Variants in E2F2 observed in about 807,000 individuals in gnomAD.
E2F2 encodes the protein transcription factor E2F2.
E2F2 carries 22 observed loss-of-function variants against 42.2 expected under a neutral mutation model. The observed-to-expected ratio is 0.52, with a 90% CI of 0.37 to 0.74. The LOEUF is 0.74. Ranked by LOEUF, E2F2 falls within the 30% of genes least tolerant of loss-of-function variation. The pLI, the probability that E2F2 is intolerant of heterozygous loss-of-function variation, is 0.00. For synonymous variants in E2F2, 248 were observed against 251.6 expected, an observed-to-expected ratio of 0.99 and a Z score of 0.13; for missense variants, 481 against 557.8, an observed-to-expected ratio of 0.86 and a Z score of 1.39.
intron 2 of E2F2, among the ~76,000 whole-genome samples, chr1:23,522,299 T>TC (rs1247834896): frequency 6.6e-6 from 1 of 152,220 alleles, no homozygotes; most frequent in African/African-American, 2.4e-5. Flanking sequence ...GTGTCCTGAC[T>TC]CCTGGTTAAA....
rs776096433 is a variant in E2F2, at chr1:23,509,958, G to C, written c.1236C>G (p.Tyr412Ter). The change falls in exon 7 of 7, where the codon TAC becomes TAG. Residue 412 changes from tyrosine (Y) to a stop codon, truncating the protein, a stop_gained. Coordinates refer to ENST00000361729, the MANE Select transcript of E2F2 (RefSeq NM_004091.4). LOFTEE classifies it high-confidence loss of function. ...CCTCACCCGCCTCCAAGCCCCACAGGTAGTCGTCCTGGTCCAAGGATGGGG... is the reference window on the plus strand; with the variant it reads ...CCTCACCCGCCTCCAAGCCCCACAGCTAGTCGTCCTGGTCCAAGGATGGGG... The part of the protein sequence containing the change: ...SFSPSLDQDD[Y>*]LWGLEAGEGI... 5.0e-6 allele frequency: 8 copies of C among 1,611,760 alleles called. No individual in the cohort carries two copies. The highest frequency in any genetic ancestry group is 5.9e-6 in the Non-Finnish European group (7 of 1,178,978).
chr1:23,505,583 G>A (rs1287672531), downstream of E2F2, among the ~76,000 whole-genome samples: 2 of 152,160 alleles, frequency 1.3e-5, no homozygotes, highest in Non-Finnish European at 1.5e-5. Flanking sequence ...CGCCATCTCG[G>A]CTCACTGCAA....
rs1218562772 is a variant in E2F2 at position 23,519,149 on chromosome 1, G to GAA, written c.738-21_738-20dup. 6.3e-7 allele frequency: 1 copy of GAA among 1,597,266 alleles called. No individual in the cohort carries two copies. Among genetic ancestry groups the GAA allele is most frequent in the African/African-American group, 1.3e-5 (1 of 74,590 alleles). On this transcript the variant is annotated intron_variant, in intron 4 of 6. Transcript: ENST00000361729. The stretch of plus-strand genomic sequence containing the variant: ...GGCCAGCGTAGGGCAGGAGAGTCAA[G>GAA]AAAAGTGACTGTCTGGTCAAAATTC...
intron 6 of E2F2, among the ~76,000 whole-genome samples, chr1:23,514,078 T>C (rs2811972): frequency 0.56 from 84,864 of 151,198 alleles, 24,265 homozygotes; most frequent in East Asian, 0.83. Context: ...GAGCCAAGAT[T>C]GTGCCACTGC....
intron 2 of E2F2, among the ~76,000 whole-genome samples, chr1:23,522,758 G>A (rs1643177468): frequency 6.6e-6 from 1 of 152,186 alleles, no homozygotes; most frequent in African/African-American, 2.4e-5. Context: ...TCTCAATGAG[G>A]TTGATGTTGC....
Position 23,510,054 on chromosome 1 carries a change from T to C in E2F2, c.1140A>G (p.Pro380=), listed in dbSNP as rs1642878754. The C allele has an allele frequency of 6.2e-7, 1 of 1,611,480 alleles. No individual in the cohort carries two copies. Among genetic ancestry groups the C allele is most frequent in the African/African-American group, 1.3e-5 (1 of 74,788 alleles). The stretch of plus-strand genomic sequence containing the variant: ...ACTGGTCCTCAGTCTGCTGCAGGAG[T>C]GGGTGCGGCAGCTCCAGCAGGCTGT... ...ATDSLLELPH[P]LLQQTEDQFL... Residue 380 remains proline, a synonymous_variant, in exon 7 of 7, where the codon CCA becomes CCG. Coordinates refer to ENST00000361729, the MANE Select transcript of E2F2 (RefSeq NM_004091.4).
At chr1:23,518,078 G>A (rs1254263907) in intron 5 of E2F2, among the ~76,000 whole-genome samples, 4 of 152,164 alleles carry the variant, frequency 2.6e-5, no homozygotes, top group East Asian at 1.9e-4. Context: ...GGGTGAGGTG[G>A]GAGGATGGCT....
At chr1:23,514,165 G>A (rs750146139) in intron 6 of E2F2, among the ~76,000 whole-genome samples, 14 of 152,052 alleles carry the variant, frequency 9.2e-5, no homozygotes, top group Non-Finnish European at 1.5e-5. Context: ...TATGCTTTGG[G>A]ATCTGCCACC....
intron 1 of E2F2, among the ~76,000 whole-genome samples, chr1:23,527,334 G>A (rs1643267946): frequency 2.6e-5 from 4 of 152,238 alleles, no homozygotes; most frequent in East Asian, 1.9e-4. Flanking sequence ...AAGAGACTGC[G>A]ATGAGGGGAG....
In E2F2 at chr1:23,509,091, G is replaced by A. The variant is rs182944035; in HGVS notation, c.*789C>T. ...AGGTAAGGACTTCCTCAGGAAAGGGGTCTCCTGAGCAGGTGGCTCCTGTTT... is the reference window on the plus strand; with the variant it reads ...AGGTAAGGACTTCCTCAGGAAAGGGATCTCCTGAGCAGGTGGCTCCTGTTT... On this transcript the variant is annotated 3_prime_UTR_variant, in exon 7 of 7. Coordinates refer to ENST00000361729, the MANE Select transcript of E2F2 (RefSeq NM_004091.4). The A allele has an allele frequency of 4.6e-5, 7 of 152,252 alleles. No homozygotes were observed. Among genetic ancestry groups the A allele is most frequent in the Admixed American group, 4.6e-4 (7 of 15,298 alleles). 9.4% of individuals were successfully genotyped at this position (152,252 alleles called of 1,614,324 possible).
Position 23,509,655 on chromosome 1 carries a change from C to A in E2F2, c.*225G>T, listed in dbSNP as rs1023992556. ...AGAAGACTGGATGGGCCTCCCTAGGCCCAGCTTCCATTAGGAAGGTGAGGA... is the reference window on the plus strand; with the variant it reads ...AGAAGACTGGATGGGCCTCCCTAGGACCAGCTTCCATTAGGAAGGTGAGGA... On this transcript the variant is annotated 3_prime_UTR_variant, in exon 7 of 7. Coordinates refer to ENST00000361729, the MANE Select transcript of E2F2 (RefSeq NM_004091.4). The A allele has an allele frequency of 1.2e-5, 10 of 828,758 alleles. No homozygotes were observed. The African/African-American group carries it at 1.6e-4, about 13-fold the overall frequency. 51.3% of individuals were successfully genotyped at this position (828,758 alleles called of 1,614,324 possible).
intron 6 of E2F2, 31 bp from the exon 7 acceptor site, chr1:23,510,179 GC>G (rs1261168158): frequency 2.0e-6 from 3 of 1,535,378 alleles, no homozygotes; most frequent in Non-Finnish European, 2.6e-6. Flanking sequence ...GTTACGCCTG[GC>G]CCTAGCATCC....
intron 4 of E2F2, among the ~76,000 whole-genome samples, chr1:23,520,283 G>A (rs1643115125): frequency 7.6e-6 from 1 of 131,766 alleles, no homozygotes. Context: ...AAAAAGCTAT[G>A]TTCAGCAGGC....
rs147290962 is a variant in E2F2, at chr1:23,524,460, A to G, written c.281T>C (p.Ile94Thr). The G allele has an allele frequency of 5.9e-5, 96 of 1,613,698 alleles. No homozygotes were observed. The highest frequency in any genetic ancestry group is 2.4e-4 in the African/African-American group (18 of 74,910). ...GAACTCAGGGACGACGGGCCTCCCA[A>G]TCCCCTCCAGATCCAGCTTCCTTTT... ...PAKRKLDLEG[I>T]GRPVVPEFPT... Residue 94 changes from isoleucine (I) to threonine (T), a missense_variant, in exon 2 of 7, where the codon ATT becomes ACT. By Grantham distance (89) the Ile-to-Thr change is moderately conservative (BLOSUM62 -1). Coordinates refer to ENST00000361729, the MANE Select transcript of E2F2 (RefSeq NM_004091.4).
At chr1:23,518,951 A>C (rs1643080875) in intron 5 of E2F2, 65 bp downstream of exon 5, 2 of 1,329,162 alleles carry the variant, frequency 1.5e-6, no homozygotes, top group Non-Finnish European at 2.1e-6. Flanking sequence ...GAGTCTGCAG[A>C]GCCGCCTGGA....
intron 4 of E2F2, 91 bp downstream of exon 4, chr1:23,520,822 C>T: frequency 7.5e-7 from 1 of 1,327,190 alleles, no homozygotes; most frequent in Non-Finnish European, 9.8e-7. Context: ...ATGCCAGACC[C>T]TTAGGGTAAG....
At chr1:23,523,825 C>T (rs932506615) in intron 2 of E2F2, among the ~76,000 whole-genome samples, 1 of 152,052 alleles carries the variant, frequency 6.6e-6, no homozygotes, top group African/African-American at 2.4e-5. Flanking sequence ...TGTAATCCCA[C>T]CACTTTGGGA....
intron 1 of E2F2, among the ~76,000 whole-genome samples, chr1:23,525,327 C>T (rs552307603): frequency 4.7e-4 from 71 of 152,242 alleles, no homozygotes; most frequent in African/African-American, 1.6e-3. Flanking sequence ...TGCACTGGCC[C>T]GGAAAGGGCC....
chr1:23,505,310 G>A (rs1342216548), downstream of E2F2, among the ~76,000 whole-genome samples: 1 of 152,206 alleles, frequency 6.6e-6, no homozygotes, highest in Non-Finnish European at 1.5e-5. Context: ...AGAGTAACGC[G>A]ATTAGAACTA....
Sources: gnomAD v4.1 joint callset for allele counts (sites outside exome capture counted in the v4.1 genomes callset) on GRCh38, gnomAD v4.1.1 for gene constraint, MANE v1.5 for transcripts, NCBI Gene and HGNC (gene_info 2026-07-23, HGNC 2026-07-21) for gene names.